PSMD1: variants seen among roughly 807,000 people sequenced by gnomAD.
The protein encoded by PSMD1 is 26S proteasome non-ATPase regulatory subunit 1.
A neutral mutation model predicts 119.0 loss-of-function variants in PSMD1; 18 were observed. That is an observed-to-expected ratio of 0.15 (90% CI 0.10 to 0.22). The LOEUF (loss-of-function observed/expected upper bound fraction) is 0.22, where lower values mean the gene tolerates loss of function less well. Ranked by LOEUF, PSMD1 falls within the 10% of genes least tolerant of loss-of-function variation. The pLI, the probability that PSMD1 is intolerant of heterozygous loss-of-function variation, is 1.00. For synonymous variants in PSMD1, 374 were observed against 396.6 expected, an observed-to-expected ratio of 0.94 and a Z score of 0.68; for missense variants, 702 against 1,158.5, an observed-to-expected ratio of 0.61 and a Z score of 5.72.
rs547604770 is a variant in PSMD1, at chr2:231,079,331, A to G, written c.1161-205A>G. Among the ~76,000 whole-genome samples the G allele has an allele frequency of 3.0e-4, 45 of 152,326 alleles. No individual in the cohort carries two copies. The South Asian group carries it at 9.1e-3, about 31-fold the overall frequency. On this transcript the variant is annotated intron_variant, in intron 10 of 24. Transcript: ENST00000308696. ...ATATAATTTTGTTTTTATTTATAGT[A>G]GAATTACGTATCGTGCATTTTAAAA...
intron 19 of PSMD1, among the ~76,000 whole-genome samples, chr2:231,159,529 A>G (rs1393223165): frequency 6.6e-6 from 1 of 152,172 alleles, no homozygotes; most frequent in Non-Finnish European, 1.5e-5. Flanking sequence ...TAGTACATGT[A>G]CTTTACAGTT....
At chr2:231,095,343 T>A (rs1694699021) in intron 16 of PSMD1, among the ~76,000 whole-genome samples, 1 of 152,180 alleles carries the variant, frequency 6.6e-6, no homozygotes, top group Non-Finnish European at 1.5e-5. Context: ...CCTTTTGAAG[T>A]CTTATTGACC....
At chr2:231,129,309 T>C (rs1023681920) in intron 16 of PSMD1, among the ~76,000 whole-genome samples, 1 of 152,196 alleles carries the variant, frequency 6.6e-6, no homozygotes, top group African/African-American at 2.4e-5. Context: ...ACAAGTGTGC[T>C]AATAATGCTG....
Position 231,067,123 on chromosome 2 carries a change from A to T in PSMD1, c.510+12A>T. 6.5e-7 allele frequency: 1 copy of T among 1,544,228 alleles called. No homozygotes were observed. The highest frequency in any genetic ancestry group is 2.3e-5 in the East Asian group (1 of 43,290). On this transcript the variant is annotated intron_variant, in intron 5 of 24. Transcript: ENST00000308696. ...CCATACTGGAGTCGGTAGGTAGATG[A>T]TGTTATTTTAGAAATTATTGTTGAT... is the stretch of plus-strand genomic sequence containing the variant.
chr2:231,123,287 C>A lies in PSMD1; in HGVS notation c.1884-15449C>A, dbSNP rs921773485. On this transcript the variant is annotated intron_variant, in intron 16 of 24. Coordinates refer to ENST00000308696, the MANE Select transcript of PSMD1 (RefSeq NM_002807.4). The stretch of plus-strand genomic sequence containing the variant: ...TATAAAACAAGGGACTGTTTACTTG[C>A]CGTATCTTTAAATAGTCCAAGTTCA... 5 of 758,134 alleles carry A rather than the reference C, an allele frequency of 6.6e-6. No homozygotes were observed. In the Admixed American group the frequency reaches 8.0e-5, roughly 12 times the overall value. 47.0% of individuals were successfully genotyped at this position (758,134 alleles called of 1,614,324 possible).
intron 18 of PSMD1, among the ~76,000 whole-genome samples, chr2:231,146,576 G>T (rs1252813314): frequency 6.6e-6 from 1 of 152,146 alleles, no homozygotes; most frequent in Non-Finnish European, 1.5e-5. Flanking sequence ...GTTAATTTAA[G>T]TATATAACCA....
intron 16 of PSMD1, among the ~76,000 whole-genome samples, chr2:231,122,303 T>C (rs2125230738): frequency 2.0e-5 from 3 of 152,278 alleles, no homozygotes; most frequent in Middle Eastern, 6.8e-3. Context: ...TTTAGATATC[T>C]TTCTGTTATT....
At chr2:231,099,292 C>G (rs1694805883) in intron 16 of PSMD1, among the ~76,000 whole-genome samples, 1 of 152,140 alleles carries the variant, frequency 6.6e-6, no homozygotes, top group South Asian at 2.1e-4. Flanking sequence ...GTCTTTGCCT[C>G]CAATAAAGGG....
intron 16 of PSMD1, among the ~76,000 whole-genome samples, chr2:231,089,651 G>T (rs925398571): frequency 1.3e-5 from 2 of 151,588 alleles, no homozygotes; most frequent in African/African-American, 4.9e-5. Context: ...CAATCACAAG[G>T]TCCCACAATA....
At chr2:231,086,036 CTT>C (rs879890171) in intron 15 of PSMD1, among the ~76,000 whole-genome samples, 10 of 143,186 alleles carry the variant, frequency 7.0e-5, no homozygotes, top group Non-Finnish European at 6.2e-5. Flanking sequence ...TAGTCTTTTT[CTT>C]TTTTTTTTTT....
In PSMD1 at chr2:231,057,654, C is replaced by T. The variant is rs137928255; in HGVS notation, c.16+613C>T. Reference sequence around the variant, plus strand: ...GAGATACCTTTATACTGAGAGCCTACTTATACCCTTTCGAGGTTATGTGCT... The same window carrying T: ...GAGATACCTTTATACTGAGAGCCTATTTATACCCTTTCGAGGTTATGTGCT... On this transcript the variant is annotated intron_variant, in intron 1 of 24. Coordinates refer to ENST00000308696, the MANE Select transcript of PSMD1 (RefSeq NM_002807.4). Among the ~76,000 whole-genome samples, 1,158 of 152,366 alleles carry T rather than the reference C, an allele frequency of 7.6e-3. 22 individuals carry two copies. The highest frequency in any genetic ancestry group is 0.027 in the African/African-American group (1,105 of 41,568).
chr2:231,087,106 T>G lies in PSMD1; in HGVS notation c.1819-11T>G. On this transcript the variant is annotated splice_polypyrimidine_tract_variant and intron_variant, in intron 15 of 24. Transcript: ENST00000308696. ...ACATAGTATAATATAATCTTAAACT[T>G]TTCCCCCTAGGTAAGTGATGTTAAT... 6.2e-7 allele frequency: 1 copy of G among 1,612,798 alleles called. No individual in the cohort carries two copies. The highest frequency in any genetic ancestry group is 1.1e-5 in the South Asian group (1 of 91,038).
rs1696885178 is a variant in PSMD1, at chr2:231,170,297, G to A, written c.2716-269G>A. 1 of 318,878 alleles carries A rather than the reference G, an allele frequency of 3.1e-6. No individual in the cohort carries two copies. Among genetic ancestry groups the A allele is most frequent in the African/African-American group, 2.1e-5 (1 of 46,880 alleles). The allele number at this position is 318,878 out of a possible 1,614,324, so 19.8% of individuals were successfully genotyped here. A position where few individuals can be genotyped will look rare whatever the true frequency, so the allele number is the denominator to read the frequency against. On this transcript the variant is annotated intron_variant, in intron 23 of 24. Transcript: ENST00000308696. This position sits in a 1 kb window ranked among gnomAD's most constrained non-coding sequence, Gnocchi z 4.1. ...AGTGAGACTGAGGCTGGTAGTCAAG[G>A]CCATGGCTGGGAAATAACTATTCTT...
chr2:231,077,435 G>A (rs761043437), intron 9 of PSMD1, among the ~76,000 whole-genome samples: 2 of 152,104 alleles, frequency 1.3e-5, no homozygotes, highest in Non-Finnish European at 2.9e-5. Flanking sequence ...ACATGGAGCA[G>A]TTAGACAAAT....
At chr2:231,159,746 G>A (rs569510583) in intron 19 of PSMD1, among the ~76,000 whole-genome samples, 1 of 152,276 alleles carries the variant, frequency 6.6e-6, no homozygotes, top group South Asian at 2.1e-4. Context: ...GAATAGTCTA[G>A]GGCAGCAGTC....
At chr2:231,146,445 A>G in intron 18 of PSMD1, 89 bp downstream of exon 18, 1 of 934,292 alleles carries the variant, frequency 1.1e-6, no homozygotes, top group Non-Finnish European at 1.7e-6. Flanking sequence ...TTTTAGTTCA[A>G]ATATGGTAAA....
chr2:231,124,046 A>G (rs1695652168), intron 16 of PSMD1: 1 of 349,720 alleles, frequency 2.9e-6, no homozygotes, highest in Non-Finnish European at 5.4e-6. Flanking sequence ...AAAATAGGAT[A>G]TATATATATT....
At chr2:231,102,870 T>C (rs1274724774) in intron 16 of PSMD1, among the ~76,000 whole-genome samples, 1 of 152,212 alleles carries the variant, frequency 6.6e-6, no homozygotes, top group Non-Finnish European at 1.5e-5. Flanking sequence ...ATTTGTTATA[T>C]TTGTTATATT....
chr2:231,069,946 AT>A, intron 5 of PSMD1, 78 bp from the exon 6 acceptor site: 1 of 1,180,102 alleles, frequency 8.5e-7, no homozygotes, highest in Non-Finnish European at 1.1e-6. Context: ...AAGAAGCAAG[AT>A]TAAAATAATT....
Sources: gnomAD v4.1 joint callset for allele counts (sites outside exome capture counted in the v4.1 genomes callset) on GRCh38, gnomAD v4.1.1 for gene constraint, Gnocchi (gnomAD v3.1) non-coding constraint, MANE v1.5 for transcripts, NCBI Gene and HGNC (gene_info 2026-07-23, HGNC 2026-07-21) for gene names.